Variants in EFNA5 observed in about 807,000 individuals in gnomAD.
EFNA5 encodes ephrin A5.
In EFNA5, 5 loss-of-function variants were observed where a neutral mutation model predicts 22.9. The observed-to-expected ratio is 0.22, with a 90% confidence interval of 0.11 to 0.46. EFNA5 has a LOEUF of 0.46. Ranked by LOEUF, EFNA5 falls within the 20% of genes least tolerant of loss-of-function variation. The pLI is 0.99. For synonymous variants in EFNA5, 113 were observed against 112.2 expected (o/e 1.01, Z -0.04); for missense variants, 237 against 293.3 (o/e 0.81, Z 1.40).
At chr5:107,655,522 C>T (rs1172292883) in intron 1 of EFNA5, among the ~76,000 whole-genome samples, 1 of 152,050 alleles carries the variant, frequency 6.6e-6, no homozygotes, top group Non-Finnish European at 1.5e-5. Flanking sequence ...CCAAGTTCTG[C>T]CCACCAACAT....
At chr5:107,414,265 A>C (rs1036867419) in intron 2 of EFNA5, among the ~76,000 whole-genome samples, 4 of 152,210 alleles carry the variant, frequency 2.6e-5, no homozygotes, top group African/African-American at 9.6e-5. Flanking sequence ...CCTGAGACTT[A>C]AATTCCACCT....
intron 1 of EFNA5, among the ~76,000 whole-genome samples, chr5:107,623,234 C>T (rs1405119098): frequency 2.0e-5 from 3 of 151,782 alleles, no homozygotes; most frequent in Non-Finnish European, 2.9e-5. Flanking sequence ...AAAGAGGACA[C>T]GTAATAGTTA....
At chr5:107,442,963 T>G (rs1749296950) in intron 1 of EFNA5, among the ~76,000 whole-genome samples, 1 of 147,200 alleles carries the variant, frequency 6.8e-6, no homozygotes, top group South Asian at 2.1e-4. Context: ...ACCCTGTGAA[T>G]TATAAATATG....
chr5:107,562,674 T>C (rs905886407), intron 1 of EFNA5, among the ~76,000 whole-genome samples: 2 of 152,204 alleles, frequency 1.3e-5, no homozygotes, highest in Non-Finnish European at 2.9e-5. Context: ...AAACTCACCA[T>C]TGTGAATATC....
At chr5:107,597,925 G>C (rs1488466880) in intron 1 of EFNA5, among the ~76,000 whole-genome samples, 2 of 152,094 alleles carry the variant, frequency 1.3e-5, no homozygotes, top group East Asian at 1.9e-4. Flanking sequence ...TTAAACAAAT[G>C]GAGAGACCTA....
rs1161899067 is a variant in EFNA5, at chr5:107,549,920, GA to G, written c.125+120568del. On this transcript the variant is annotated intron_variant, in intron 1 of 4. Coordinates refer to ENST00000333274, the MANE Select transcript of EFNA5 (RefSeq NM_001962.3). ...ATAGCACCTCTCAAATGTAAAAAGG[GA>G]TTGGTTAGTACCTATGGCTCTCTGG... 2.0e-5 allele frequency among the ~76,000 whole-genome samples: 3 copies of G among 152,250 alleles called. No homozygotes were observed. The East Asian group carries it at 5.8e-4, about 29-fold the overall frequency.
chr5:107,439,274 C>G (rs1265781079), intron 1 of EFNA5, among the ~76,000 whole-genome samples: 1 of 152,062 alleles, frequency 6.6e-6, no homozygotes, highest in Non-Finnish European at 1.5e-5. Flanking sequence ...CCCAAGAGAG[C>G]CCCCCACCGG....
At chr5:107,546,696 CT>C (rs1748166150) in intron 1 of EFNA5, among the ~76,000 whole-genome samples, 2 of 135,860 alleles carry the variant, frequency 1.5e-5, no homozygotes, top group African/African-American at 5.5e-5. Flanking sequence ...ACTCTCACCC[CT>C]GGTGTAGGAA....
intron 1 of EFNA5, among the ~76,000 whole-genome samples, chr5:107,489,386 G>T (rs1746736409): frequency 6.6e-6 from 1 of 151,762 alleles, no homozygotes; most frequent in African/African-American, 2.4e-5. Context: ...GACCAGGCTG[G>T]TCTCAAAATC....
At chr5:107,465,888 C>A (rs541259390) in intron 1 of EFNA5, among the ~76,000 whole-genome samples, 7 of 152,210 alleles carry the variant, frequency 4.6e-5, no homozygotes, top group East Asian at 1.9e-4. Context: ...CTCAGGTTCA[C>A]GGCTACTGGT....
chr5:107,650,728 G>A (rs868705170), intron 1 of EFNA5, among the ~76,000 whole-genome samples: 3 of 152,170 alleles, frequency 2.0e-5, no homozygotes, highest in Middle Eastern at 3.4e-3. Flanking sequence ...TTTATTCAGG[G>A]AATATCCAGA....
chr5:107,558,390 C>T (rs1180231466), intron 1 of EFNA5, among the ~76,000 whole-genome samples: 2 of 151,954 alleles, frequency 1.3e-5, no homozygotes, highest in East Asian at 3.8e-4. Context: ...TGCTTACCAC[C>T]TGATTATATT....
At chr5:107,549,830 C>T (rs1748246359) in intron 1 of EFNA5, among the ~76,000 whole-genome samples, 1 of 152,264 alleles carries the variant, frequency 6.6e-6, no homozygotes, top group Non-Finnish European at 1.5e-5. Context: ...GAGCAGCCAC[C>T]TTCCCAGGCC....
chr5:107,463,515 T>C (rs183583328), intron 1 of EFNA5, among the ~76,000 whole-genome samples: 23 of 152,266 alleles, frequency 1.5e-4, no homozygotes, highest in Admixed American at 8.5e-4. Flanking sequence ...ACTAGAGACA[T>C]AGGTACATAT....
intron 1 of EFNA5, among the ~76,000 whole-genome samples, chr5:107,523,048 T>G (rs1227768873): frequency 6.6e-6 from 1 of 152,170 alleles, no homozygotes; most frequent in Non-Finnish European, 1.5e-5. Flanking sequence ...ACTGGCTTAA[T>G]TTACCAAGTT....
chr5:107,632,661 C>T (rs1750281021), intron 1 of EFNA5, among the ~76,000 whole-genome samples: 1 of 152,136 alleles, frequency 6.6e-6, no homozygotes, highest in Non-Finnish European at 1.5e-5. Context: ...TAAACAAAAT[C>T]TCACCAAATT....
At chr5:107,618,003 A>C (rs1749958746) in intron 1 of EFNA5, among the ~76,000 whole-genome samples, 1 of 152,102 alleles carries the variant, frequency 6.6e-6, no homozygotes. Flanking sequence ...TCTCTGTTTA[A>C]AACAAAAAAA....
intron 1 of EFNA5, among the ~76,000 whole-genome samples, chr5:107,615,259 T>C (rs535831317): frequency 1.3e-5 from 2 of 152,152 alleles, no homozygotes; most frequent in Non-Finnish European, 2.9e-5. Flanking sequence ...TGTGGCACCA[T>C]GGAAGCCTCA....
At chr5:107,402,133 T>C (rs116280865) in intron 2 of EFNA5, among the ~76,000 whole-genome samples, 1,555 of 152,254 alleles carry the variant, frequency 0.01, 24 homozygotes, top group African/African-American at 0.035. Flanking sequence ...AGATATTCAA[T>C]TAGGGGTGTA....
Sources: gnomAD v4.1 joint callset for allele counts (sites outside exome capture counted in the v4.1 genomes callset) on GRCh38, gnomAD v4.1.1 for gene constraint, MANE v1.5 for transcripts, NCBI Gene and HGNC (gene_info 2026-07-23, HGNC 2026-07-21) for gene names.